The following CNTN3 variants were observed in gnomAD, a reference collection of about 807,000 sequenced individuals.
CNTN3 encodes the protein contactin-3.
A neutral mutation model predicts 119.1 loss-of-function variants in CNTN3; 60 were observed. That is an observed-to-expected ratio of 0.50 (90% CI 0.41 to 0.62). The LOEUF (loss-of-function observed/expected upper bound fraction) is 0.62. Ranked by LOEUF, CNTN3 falls within the 20% of genes least tolerant of loss-of-function variation. CNTN3 has a pLI of 0.00. For missense variants in CNTN3, 1,101 were observed against 1,242.4 expected (o/e 0.89, Z 1.71); for synonymous variants, 450 against 438.7 (o/e 1.03, Z -0.32).
chr3:74,368,178 C>G (rs773527291), intron 8 of CNTN3, among the ~76,000 whole-genome samples: 1 of 152,052 alleles, frequency 6.6e-6, no homozygotes, highest in Non-Finnish European at 1.5e-5. Context: ...AATATAATAA[C>G]AAGTGTTAAT....
intron 20 of CNTN3, among the ~76,000 whole-genome samples, chr3:74,280,920 T>G (rs1701992856): frequency 6.6e-6 from 1 of 152,098 alleles, no homozygotes; most frequent in Non-Finnish European, 1.5e-5. Flanking sequence ...GGAGCTGCAG[T>G]CAGGTGGCAC....
chr3:74,601,858 G>T (rs1704916353), intron 1 of CNTN3, among the ~76,000 whole-genome samples: 1 of 152,060 alleles, frequency 6.6e-6, no homozygotes, highest in Non-Finnish European at 1.5e-5. Flanking sequence ...TTGCATCCCT[G>T]CAATTGGCAT....
At chr3:74,590,863 G>A (rs1704690146) in intron 1 of CNTN3, among the ~76,000 whole-genome samples, 1 of 151,956 alleles carries the variant, frequency 6.6e-6, no homozygotes, top group African/African-American at 2.4e-5. Context: ...TGGGAACCCA[G>A]TCAACAACTT....
At chr3:74,308,143 T>C (rs779077711) in intron 13 of CNTN3, among the ~76,000 whole-genome samples, 1 of 152,142 alleles carries the variant, frequency 6.6e-6, no homozygotes, top group Non-Finnish European at 1.5e-5. Flanking sequence ...CCTCTGCATT[T>C]TTGACTACAC....
Position 74,298,200 on chromosome 3 carries a change from G to A in CNTN3, c.2167-9C>T. The A allele has an allele frequency of 1.3e-6, 2 of 1,545,982 alleles. No homozygotes were observed. Among genetic ancestry groups the A allele is most frequent in the South Asian group, 2.5e-5 (2 of 80,838 alleles). ...AGTTCTTCAGGGACTGGCTATAAAG[G>A]AAAGACATACTGAATCACCCTTACA... On this transcript the variant is annotated splice_polypyrimidine_tract_variant and intron_variant, in intron 17 of 22. Coordinates refer to ENST00000263665, the MANE Select transcript of CNTN3 (RefSeq NM_020872.3).
intron 11 of CNTN3, among the ~76,000 whole-genome samples, chr3:74,351,785 A>G (rs1703822501): frequency 6.6e-6 from 1 of 152,126 alleles, no homozygotes; most frequent in African/African-American, 2.4e-5. Context: ...TCACACCATG[A>G]GCCCCATCCC....
At chr3:74,305,355 C>T (rs184730063) in intron 13 of CNTN3, among the ~76,000 whole-genome samples, 85 of 152,198 alleles carry the variant, frequency 5.6e-4, no homozygotes, top group Non-Finnish European at 4.0e-4. Context: ...GAAGCATCTA[C>T]GAAGGCAGGA....
intron 19 of CNTN3, among the ~76,000 whole-genome samples, chr3:74,288,714 A>T (rs914195199): frequency 2.0e-5 from 3 of 152,152 alleles, no homozygotes; most frequent in African/African-American, 7.2e-5. Context: ...CAAAACAGAG[A>T]AGGACTTTAA....
intron 2 of CNTN3, among the ~76,000 whole-genome samples, chr3:74,500,717 C>T (rs1703152577): frequency 6.6e-6 from 1 of 152,000 alleles, no homozygotes; most frequent in African/African-American, 2.4e-5. Flanking sequence ...TAGCAGTTTA[C>T]ATTAATAAAA....
intron 1 of CNTN3, among the ~76,000 whole-genome samples, chr3:74,562,903 C>T (rs1421174150): frequency 2.0e-5 from 3 of 152,124 alleles, no homozygotes; most frequent in Non-Finnish European, 4.4e-5. Flanking sequence ...GTAAACCCCA[C>T]AGTGAGCTAG....
chr3:74,409,713 A>C lies in CNTN3; in HGVS notation c.454+15132T>G, dbSNP rs534592587. Reference sequence around the variant, plus strand: ...ACATGACACTTCAACTGAGACTCACAGGTTATCTGTTTAATGCCATTTTCT... The same window carrying C: ...ACATGACACTTCAACTGAGACTCACCGGTTATCTGTTTAATGCCATTTTCT... On this transcript the variant is annotated intron_variant, in intron 5 of 22. Coordinates refer to ENST00000263665, the MANE Select transcript of CNTN3 (RefSeq NM_020872.3). Among the ~76,000 whole-genome samples, 3 of 152,102 alleles carry C rather than the reference A, an allele frequency of 2.0e-5. No homozygotes were observed. In the South Asian group the frequency reaches 6.2e-4, roughly 32 times the overall value.
intron 13 of CNTN3, among the ~76,000 whole-genome samples, chr3:74,310,950 C>T (rs1476809955): frequency 6.6e-6 from 1 of 152,200 alleles, no homozygotes; most frequent in African/African-American, 2.4e-5. Context: ...CTACCAGTTT[C>T]TTGGGATCCT....
chr3:74,501,756 T>C (rs1195884265), intron 2 of CNTN3, among the ~76,000 whole-genome samples: 1 of 148,478 alleles, frequency 6.7e-6, no homozygotes, highest in Non-Finnish European at 1.5e-5. Context: ...CTTTACCTGA[T>C]CATTACTTTC....
chr3:74,410,476 T>A (rs1575698815), intron 5 of CNTN3, among the ~76,000 whole-genome samples: 1 of 152,102 alleles, frequency 6.6e-6, no homozygotes. Flanking sequence ...TCTCTCTGAG[T>A]TGTCAAAAAG....
At chr3:74,268,626 A>C (rs1331660879) in intron 20 of CNTN3, among the ~76,000 whole-genome samples, 1 of 152,154 alleles carries the variant, frequency 6.6e-6, no homozygotes, top group Non-Finnish European at 1.5e-5. Context: ...ATTCACAATG[A>C]GTTTAGGTCA....
intron 1 of CNTN3, among the ~76,000 whole-genome samples, chr3:74,592,623 C>T (rs1704723332): frequency 6.6e-6 from 1 of 151,884 alleles, no homozygotes; most frequent in Non-Finnish European, 1.5e-5. Flanking sequence ...TATGCTGAGT[C>T]ACTGTTTTCC....
At chr3:74,540,722 A>T (rs1362423387) in intron 1 of CNTN3, among the ~76,000 whole-genome samples, 2 of 152,100 alleles carry the variant, frequency 1.3e-5, no homozygotes, top group African/African-American at 4.8e-5. Context: ...ACCTGCCAAA[A>T]ACTTTCTTCT....
At chr3:74,482,207 C>A (rs758103062) in intron 4 of CNTN3, among the ~76,000 whole-genome samples, 1 of 151,832 alleles carries the variant, frequency 6.6e-6, no homozygotes, top group Middle Eastern at 3.4e-3. Flanking sequence ...GATAAATAGG[C>A]AAAAGTACTA....
intron 1 of CNTN3, among the ~76,000 whole-genome samples, chr3:74,593,081 T>C (rs992780085): frequency 6.6e-6 from 1 of 152,028 alleles, no homozygotes; most frequent in African/African-American, 2.4e-5. Flanking sequence ...GTTTTGTTTT[T>C]AGAAAATGTC....
Sources: allele counts gnomAD v4.1 joint callset (sites outside exome capture counted in the v4.1 genomes callset), GRCh38; gene constraint gnomAD v4.1.1; transcripts MANE v1.5; gene names NCBI Gene and HGNC (gene_info 2026-07-23, HGNC 2026-07-21).